Variants in ROBO2 observed in about 807,000 individuals in gnomAD.
ROBO2 encodes the protein roundabout guidance receptor 2.
Under a neutral mutation model 160.8 loss-of-function variants are expected in ROBO2, and 53 were observed. The ratio of observed to expected loss-of-function variants is 0.33; its 90% CI spans 0.26 to 0.41. ROBO2 has a LOEUF of 0.41. ROBO2 is among the 10% of genes least tolerant of loss of function. The probability of loss-of-function intolerance (pLI) is 1.00; values close to 1 mark genes in which losing one functional copy is unlikely to be tolerated. For missense variants in ROBO2, 1,577 were observed against 1,722.4 expected (o/e 0.92, Z 1.49); for synonymous variants, 664 against 611.7 (o/e 1.09, Z -1.26).
At chr3:75,918,772 G>A (rs777341302) in intron 1 of ROBO2, among the ~76,000 whole-genome samples, 2 of 152,038 alleles carry the variant, frequency 1.3e-5, no homozygotes, top group African/African-American at 2.4e-5. Context: ...GTATTCCTAC[G>A]TATTTTGTTT....
intron 2 of ROBO2, among the ~76,000 whole-genome samples, chr3:76,222,268 G>C (rs1262211784): frequency 6.6e-6 from 1 of 152,170 alleles, no homozygotes; most frequent in Non-Finnish European, 1.5e-5. Context: ...TGACTGAGAG[G>C]CATAAGGTAG....
rs561556617 is a variant in ROBO2, at chr3:76,659,961, A to G, written c.110-438053A>G. 5.3e-5 allele frequency among the ~76,000 whole-genome samples: 8 copies of G among 152,270 alleles called. No individual in the cohort carries two copies. The South Asian group carries it at 1.7e-3, about 32-fold the overall frequency. On this transcript the variant is annotated intron_variant, in intron 2 of 26. Coordinates refer to the ROBO2 transcript ENST00000487694. ...GACCCTTTAGAAAACTGAGTAGCAAATAGTCCCATTTCCAGACCTCCCTTG... is the reference window on the plus strand; with the variant it reads ...GACCCTTTAGAAAACTGAGTAGCAAGTAGTCCCATTTCCAGACCTCCCTTG...
chr3:76,775,756 T>TCTTA (rs2307861), intron 2 of ROBO2, among the ~76,000 whole-genome samples: 126,058 of 150,002 alleles, frequency 0.84, 53,072 homozygotes, highest in Admixed American at 0.86. Context: ...AATTGTTCAC[T>TCTTA]CTTACTAAGC....
chr3:76,840,675 A>ATATATATATAT (rs1559586482), intron 2 of ROBO2, among the ~76,000 whole-genome samples: 2 of 136,506 alleles, frequency 1.5e-5, no homozygotes, highest in African/African-American at 5.4e-5. Context: ...ATATATATAT[A>ATATATATATAT]AGATGAAGTA....
At chr3:77,537,383 A>G (rs1288411038) in intron 6 of ROBO2, among the ~76,000 whole-genome samples, 1 of 152,174 alleles carries the variant, frequency 6.6e-6, no homozygotes, top group African/African-American at 2.4e-5. Context: ...TAGCTGCATA[A>G]TAGTAACATG....
chr3:76,948,908 A>ATATATATTTTTT (rs1209284372), intron 2 of ROBO2, among the ~76,000 whole-genome samples: 2 of 24,970 alleles, frequency 8.0e-5, no homozygotes, highest in African/African-American at 3.7e-4. Context: ...ATATATATAT[A>ATATATATTTTTT]TTTTTTTTTT....
chr3:77,462,899 T>G (rs2082386261), intron 2 of ROBO2, among the ~76,000 whole-genome samples: 1 of 152,196 alleles, frequency 6.6e-6, no homozygotes, highest in African/African-American at 2.4e-5. Context: ...CAATGCATAT[T>G]CCAAACCCAG....
chr3:76,738,412 C>T (rs2093749871), intron 2 of ROBO2, among the ~76,000 whole-genome samples: 1 of 152,088 alleles, frequency 6.6e-6, no homozygotes, highest in Non-Finnish European at 1.5e-5. Context: ...TTGTGGGAGG[C>T]TTTTCTGAGC....
At chr3:76,324,643 A>C (rs1239378852) in intron 2 of ROBO2, among the ~76,000 whole-genome samples, 2 of 152,204 alleles carry the variant, frequency 1.3e-5, no homozygotes, top group Non-Finnish European at 2.9e-5. Context: ...TCAAAAGTAC[A>C]TGAAAACAGA....
intron 2 of ROBO2, among the ~76,000 whole-genome samples, chr3:76,114,345 A>T (rs962937486): frequency 6.6e-6 from 1 of 152,114 alleles, no homozygotes; most frequent in Non-Finnish European, 1.5e-5. Context: ...AATGGAATAA[A>T]TTGATTCTAT....
At chr3:76,480,721 G>A (rs1394687545) in intron 2 of ROBO2, among the ~76,000 whole-genome samples, 1 of 152,012 alleles carries the variant, frequency 6.6e-6, no homozygotes, top group Admixed American at 6.6e-5. Context: ...TCTTTCTAAA[G>A]GTACCACCTC....
chr3:76,434,191 C>G, intron 2 of ROBO2: 1 of 1,113,076 alleles, frequency 9.0e-7, no homozygotes, highest in Non-Finnish European at 1.4e-6. Context: ...AGTAAAGAGA[C>G]TGGGGGAGAC....
At chr3:76,911,469 C>G (rs1416742141) in intron 2 of ROBO2, among the ~76,000 whole-genome samples, 1 of 152,040 alleles carries the variant, frequency 6.6e-6, no homozygotes, top group Non-Finnish European at 1.5e-5. Flanking sequence ...TAGAATTGAG[C>G]CAGGCAAACC....
At chr3:76,948,906 ATATTTTTTTT>A (rs1438840156) in intron 2 of ROBO2, among the ~76,000 whole-genome samples, 67 of 20,840 alleles carry the variant, frequency 3.2e-3, no homozygotes, top group South Asian at 0.019. Flanking sequence ...ATATATATAT[ATATTTTTTTT>A]TTTTTTTTTT....
intron 2 of ROBO2, among the ~76,000 whole-genome samples, chr3:76,802,116 T>G (rs1478488205): frequency 6.6e-6 from 1 of 152,112 alleles, no homozygotes. Flanking sequence ...ACTAATACAT[T>G]TTTGCATATT....
intron 2 of ROBO2, among the ~76,000 whole-genome samples, chr3:76,778,126 T>C (rs1394828483): frequency 6.6e-6 from 1 of 151,012 alleles, no homozygotes; most frequent in Admixed American, 6.6e-5. Context: ...AAGAAAGAAG[T>C]GGTGAGCCTC....
intron 2 of ROBO2, among the ~76,000 whole-genome samples, chr3:76,426,754 G>A (rs2076238764): frequency 6.6e-6 from 1 of 152,118 alleles, no homozygotes; most frequent in Non-Finnish European, 1.5e-5. Context: ...CAAAGAAAGG[G>A]AAACTGAAGA....
chr3:76,211,826 A>T (rs1445236587), intron 2 of ROBO2, among the ~76,000 whole-genome samples: 2 of 152,062 alleles, frequency 1.3e-5, no homozygotes, highest in Non-Finnish European at 2.9e-5. Flanking sequence ...TTTACCTTTT[A>T]CTTGATATAC....
chr3:77,087,537 A>C (rs1368976334), intron 1 of ROBO2, among the ~76,000 whole-genome samples: 1 of 152,162 alleles, frequency 6.6e-6, no homozygotes, highest in Non-Finnish European at 1.5e-5. Context: ...TATCCAGGTT[A>C]ATACATTGGC....
Sources: gnomAD v4.1 joint callset for allele counts (sites outside exome capture counted in the v4.1 genomes callset) on GRCh38, gnomAD v4.1.1 for gene constraint, MANE v1.5 for transcripts, NCBI Gene and HGNC (gene_info 2026-07-23, HGNC 2026-07-21) for gene names.